Variants in DNAI4 observed in about 807,000 individuals in gnomAD.
DNAI4 encodes the protein WD repeat domain 78.
A neutral mutation model predicts 105.8 loss-of-function variants in DNAI4; 85 were observed. The observed-to-expected ratio is 0.80, with a 90% confidence interval of 0.67 to 0.96. DNAI4 has a LOEUF of 0.96. Among genes scored for constraint, DNAI4 ranks in the 40% least tolerant of loss-of-function variants. The pLI, the probability that DNAI4 is intolerant of heterozygous loss-of-function variation, is 0.00. For missense variants in DNAI4, 1,014 were observed against 1,005.6 expected (o/e 1.01, Z -0.11); for synonymous variants, 352 against 331.5 (o/e 1.06, Z -0.67).
At chr1:66,923,188 T>C (rs1214469918) in intron 1 of DNAI4, among the ~76,000 whole-genome samples, 2 of 152,238 alleles carry the variant, frequency 1.3e-5, no homozygotes, top group East Asian at 1.9e-4. Flanking sequence ...TGCAGGTTGG[T>C]AGCCTAGAAG....
Position 66,823,436 on chromosome 1 carries a change from G to C in DNAI4, c.2340-919C>G, listed in dbSNP as rs1166570553. Among the ~76,000 whole-genome samples, 4 of 151,768 alleles carry C rather than the reference G, an allele frequency of 2.6e-5. No homozygotes were observed. The South Asian group carries it at 6.3e-4, about 24-fold the overall frequency. On this transcript the variant is annotated intron_variant, in intron 15 of 16. Coordinates refer to ENST00000371026, the MANE Select transcript of DNAI4 (RefSeq NM_024763.5). ...TAGGTATATACCCAGTAATGGGATG[G>C]CTGGGTCAAATGGTATTTCTAGTTC... is the stretch of plus-strand genomic sequence containing the variant.
intron 2 of DNAI4, among the ~76,000 whole-genome samples, chr1:66,899,287 C>T (rs1037212691): frequency 3.3e-5 from 5 of 152,152 alleles, no homozygotes; most frequent in Non-Finnish European, 7.3e-5. Context: ...TTCTAGCCAT[C>T]TTAGTGGGTA....
chr1:66,840,050 C>A (rs1010722103), intron 9 of DNAI4, among the ~76,000 whole-genome samples: 2 of 152,154 alleles, frequency 1.3e-5, no homozygotes, highest in African/African-American at 4.8e-5. Context: ...ATTTTGCACA[C>A]TTGTAAGGTC....
intron 1 of DNAI4, among the ~76,000 whole-genome samples, chr1:66,916,601 T>G (rs1016789736): frequency 4.6e-5 from 7 of 152,040 alleles, no homozygotes; most frequent in African/African-American, 1.7e-4. Flanking sequence ...TTTTAAGAGA[T>G]AAAATAAGTT....
chr1:66,851,225 A>G (rs1646390890), intron 7 of DNAI4, among the ~76,000 whole-genome samples: 1 of 151,952 alleles, frequency 6.6e-6, no homozygotes, highest in Admixed American at 6.6e-5. Context: ...AGTTGACTTC[A>G]GAACAAAGAA....
chr1:66,839,203 G>A (rs186790321), intron 9 of DNAI4, among the ~76,000 whole-genome samples: 117 of 152,126 alleles, frequency 7.7e-4, no homozygotes, highest in African/African-American at 2.6e-3. Flanking sequence ...AGGCCAAGGC[G>A]GGAGGATCAC....
intron 3 of DNAI4, among the ~76,000 whole-genome samples, chr1:66,891,652 C>T (rs562060223): frequency 2.6e-5 from 4 of 152,226 alleles, no homozygotes; most frequent in African/African-American, 4.8e-5. Context: ...TTAGTAGAGA[C>T]GTGGTTTCAC....
chr1:66,852,407 A>C (rs767488262), intron 7 of DNAI4, among the ~76,000 whole-genome samples: 1 of 152,030 alleles, frequency 6.6e-6, no homozygotes, highest in Non-Finnish European at 1.5e-5. Context: ...AAGTGAAACA[A>C]AGTGCAAAAA....
chr1:66,906,578 G>A (rs895849127), intron 1 of DNAI4, among the ~76,000 whole-genome samples: 3 of 152,092 alleles, frequency 2.0e-5, no homozygotes, highest in African/African-American at 7.2e-5. Flanking sequence ...ATGTAAGCAT[G>A]TTTAGGGCAG....
intron 4 of DNAI4, among the ~76,000 whole-genome samples, chr1:66,887,528 G>A (rs1252082912): frequency 6.6e-6 from 1 of 152,056 alleles, no homozygotes; most frequent in Non-Finnish European, 1.5e-5. Context: ...AAGTATATTA[G>A]AACAGGCTAA....
chr1:66,913,528 CT>C (rs1649817081), intron 1 of DNAI4, among the ~76,000 whole-genome samples: 1 of 152,132 alleles, frequency 6.6e-6, no homozygotes, highest in Non-Finnish European at 1.5e-5. Context: ...ACCCTGGGAC[CT>C]CGTGGAAGTA....
At chr1:66,862,387 C>G in intron 6 of DNAI4, 85 bp from the exon 7 acceptor site, 2 of 1,400,324 alleles carry the variant, frequency 1.4e-6, no homozygotes, top group Admixed American at 4.7e-5. Context: ...ACAGAAAAAG[C>G]TAAGATAAGA....
intron 16 of DNAI4, among the ~76,000 whole-genome samples, chr1:66,821,154 A>T (rs575972212): frequency 1.6e-5 from 2 of 125,518 alleles, no homozygotes; most frequent in South Asian, 5.0e-4. Context: ...GCTGGAGTGC[A>T]GTGGCGCCAT....
At chr1:66,894,427 T>C (rs1437980773) in intron 2 of DNAI4, among the ~76,000 whole-genome samples, 1 of 152,206 alleles carries the variant, frequency 6.6e-6, no homozygotes, top group East Asian at 1.9e-4. Context: ...TTGTATGAGC[T>C]GCAAATGTCT....
At position 66,835,694 on chromosome 1, in the gene DNAI4, G is replaced by C; in HGVS notation, c.1665C>G (p.Gly555=). 3 of 1,614,076 alleles carry C rather than the reference G, an allele frequency of 1.9e-6. No individual in the cohort carries two copies. The highest frequency in any genetic ancestry group is 2.5e-6 in the Non-Finnish European group (3 of 1,179,934). The change falls in exon 11 of 17, where the codon GGC becomes GGG. Residue 555 remains glycine (G), a synonymous_variant. Transcript: ENST00000371026. ...AAATTGCAATTGTGCCATTGTGATA[G>C]CCAACGGCTAAAAGGTTAGGTGCTC... ...SIGAPNLLAV[G]YHNGTIAIYN...
intron 1 of DNAI4, among the ~76,000 whole-genome samples, chr1:66,918,464 T>C (rs1650224425): frequency 6.6e-6 from 1 of 152,200 alleles, no homozygotes; most frequent in Non-Finnish European, 1.5e-5. Flanking sequence ...AGCTGTGCTT[T>C]CTTAAAGCCC....
At position 66,822,892 on chromosome 1, in the gene DNAI4, T is replaced by G. The variant is rs1180138563; in HGVS notation, c.2340-375A>C. On this transcript the variant is annotated intron_variant, in intron 15 of 16. Coordinates refer to ENST00000371026, the MANE Select transcript of DNAI4 (RefSeq NM_024763.5). ...ATAACATTTAATTCACTAGAATTTGTTTTTTTTGTTATTTATTTATTTATT... is the reference window on the plus strand; with the variant it reads ...ATAACATTTAATTCACTAGAATTTGGTTTTTTTGTTATTTATTTATTTATT... 2.3e-4 allele frequency among the ~76,000 whole-genome samples: 14 copies of G among 59,588 alleles called. No homozygotes were observed. The South Asian group carries it at 2.5e-3, about 11-fold the overall frequency. 39.1% of individuals were successfully genotyped at this position (59,588 alleles called of 152,430 possible).
chr1:66,845,190 C>CAAAAA (rs59265844), intron 8 of DNAI4, among the ~76,000 whole-genome samples: 32 of 106,298 alleles, frequency 3.0e-4, no homozygotes, highest in East Asian at 7.4e-4. Flanking sequence ...AACTCCATCT[C>CAAAAA]AAAAAAAAAA....
At chr1:66,864,997 T>C (rs1646702769) in intron 6 of DNAI4, among the ~76,000 whole-genome samples, 1 of 152,188 alleles carries the variant, frequency 6.6e-6, no homozygotes, top group Non-Finnish European at 1.5e-5. Context: ...GAGTACATGG[T>C]ATTGATTTTT....
Sources: gnomAD v4.1 joint callset for allele counts (sites outside exome capture counted in the v4.1 genomes callset) on GRCh38, gnomAD v4.1.1 for gene constraint, MANE v1.5 for transcripts, NCBI Gene and HGNC (gene_info 2026-07-23, HGNC 2026-07-21) for gene names.